The following SYN3 variants were observed in gnomAD, a reference collection of about 807,000 sequenced individuals.
The protein encoded by SYN3 is synapsin III, also known as synapsin-3.
A neutral mutation model predicts 65.8 loss-of-function variants in SYN3; 35 were observed. That is an observed-to-expected ratio of 0.53 (90% CI 0.41 to 0.70). The LOEUF (loss-of-function observed/expected upper bound fraction) is 0.70. Among genes scored for constraint, SYN3 ranks in the 30% least tolerant of loss-of-function variants. SYN3 has a pLI of 0.00. For missense variants in SYN3, 680 were observed against 749.0 expected, an observed-to-expected ratio of 0.91 and a Z score of 1.08; for synonymous variants, 270 against 292.9, an observed-to-expected ratio of 0.92 and a Z score of 0.80.
chr22:32,999,082 G>T (rs112632343), intron 2 of SYN3, among the ~76,000 whole-genome samples: 44 of 152,270 alleles, frequency 2.9e-4, no homozygotes, highest in Middle Eastern at 6.8e-3. Context: ...AAGAGTAAGA[G>T]ACAGGCCTTG....
At chr22:32,831,418 T>C (rs2047569922) in intron 6 of SYN3, among the ~76,000 whole-genome samples, 1 of 152,144 alleles carries the variant, frequency 6.6e-6, no homozygotes, top group South Asian at 2.1e-4. Flanking sequence ...GAGAGCTGTT[T>C]CAGCTACTTC....
At chr22:32,820,741 A>G (rs573039455) in intron 6 of SYN3, among the ~76,000 whole-genome samples, 1 of 152,320 alleles carries the variant, frequency 6.6e-6, no homozygotes, top group African/African-American at 2.4e-5. Context: ...GATATGTTTT[A>G]GGGTGAAGGA....
intron 6 of SYN3, among the ~76,000 whole-genome samples, chr22:32,755,065 A>G (rs2045251609): frequency 2.0e-5 from 3 of 152,214 alleles, no homozygotes. Context: ...ACTAGAGAGC[A>G]GAGCAGAGGC....
chr22:32,970,247 A>T (rs2051976007), intron 3 of SYN3, among the ~76,000 whole-genome samples: 8 of 152,188 alleles, frequency 5.3e-5, no homozygotes, highest in Admixed American at 5.2e-4. Context: ...GGGCAGTTAA[A>T]TTACCACCTC....
chr22:32,993,770 G>C (rs1173985346), intron 2 of SYN3, among the ~76,000 whole-genome samples: 2 of 152,156 alleles, frequency 1.3e-5, no homozygotes, highest in Admixed American at 6.5e-5. Context: ...CAACCTCACT[G>C]TTTCACATAG....
chr22:32,695,919 T>C (rs372297048), intron 6 of SYN3, among the ~76,000 whole-genome samples: 16 of 152,332 alleles, frequency 1.1e-4, no homozygotes, highest in African/African-American at 3.6e-4. Flanking sequence ...TGGTAACATA[T>C]AGGACTCCTC....
intron 4 of SYN3, among the ~76,000 whole-genome samples, chr22:32,930,600 C>T (rs1472705565): frequency 6.6e-6 from 1 of 152,096 alleles, no homozygotes; most frequent in African/African-American, 2.4e-5. Context: ...CTGAGAATGT[C>T]CACATTCTAC....
chr22:32,561,438 T>C (rs1409537003), intron 7 of SYN3, among the ~76,000 whole-genome samples: 3 of 152,178 alleles, frequency 2.0e-5, no homozygotes, highest in Non-Finnish European at 4.4e-5. Context: ...TATGGGTGTG[T>C]CTGCAGAGAA....
intron 6 of SYN3, among the ~76,000 whole-genome samples, chr22:32,840,154 G>A (rs2047851865): frequency 6.6e-6 from 1 of 152,160 alleles, no homozygotes. Flanking sequence ...AACTTGGGTT[G>A]AAATGATTTG....
chr22:32,945,225 C>A (rs1318814117), intron 3 of SYN3, among the ~76,000 whole-genome samples: 1 of 152,190 alleles, frequency 6.6e-6, no homozygotes, highest in Non-Finnish European at 1.5e-5. Flanking sequence ...AAAGAGCCCA[C>A]ACTGCCAAGA....
chr22:32,692,833 T>C (rs2060684341), intron 6 of SYN3, among the ~76,000 whole-genome samples: 1 of 152,210 alleles, frequency 6.6e-6, no homozygotes, highest in African/African-American at 2.4e-5. Flanking sequence ...CATTTCAAAA[T>C]ACAGGTGTAC....
At chr22:32,549,439 G>A (rs1838773097) in intron 7 of SYN3, among the ~76,000 whole-genome samples, 1 of 152,044 alleles carries the variant, frequency 6.6e-6, no homozygotes, top group African/African-American at 2.4e-5. Context: ...TTTTTATAGT[G>A]ACAGGATCTC....
chr22:32,637,630 C>CTTTTTTTTTTTT (rs1185407986), intron 6 of SYN3, among the ~76,000 whole-genome samples: 64 of 93,526 alleles, frequency 6.8e-4, no homozygotes, highest in East Asian at 1.1e-3. Flanking sequence ...TTTTCTTTTT[C>CTTTTTTTTTTTT]TTTTTTTTTT....
intron 7 of SYN3, among the ~76,000 whole-genome samples, chr22:32,591,737 G>T (rs1307638763): frequency 2.0e-5 from 3 of 152,070 alleles, no homozygotes; most frequent in African/African-American, 7.2e-5. Context: ...CTGTGGTTTT[G>T]GTTACCCACG....
At position 32,632,323 on chromosome 22, in the gene SYN3, G is replaced by A. The variant is rs574142912; in HGVS notation, c.712-35587C>T. On this transcript the variant is annotated intron_variant, in intron 6 of 13. Coordinates refer to ENST00000358763, the MANE Select transcript of SYN3 (RefSeq NM_003490.4). ...TGTCCACTGGGCAGTGTGCTATGGCGGTGAGAGCTCTTGCCTGGGCGTTTA... is the reference window on the plus strand; with the variant it reads ...TGTCCACTGGGCAGTGTGCTATGGCAGTGAGAGCTCTTGCCTGGGCGTTTA... Among the ~76,000 whole-genome samples, 237 of 152,290 alleles carry A rather than the reference G, an allele frequency of 1.6e-3. 1 individual carries two copies. The highest frequency in any genetic ancestry group is 4.4e-3 in the African/African-American group (183 of 41,562).
intron 6 of SYN3, among the ~76,000 whole-genome samples, chr22:32,804,423 C>A (rs2046670644): frequency 6.6e-6 from 1 of 152,210 alleles, no homozygotes; most frequent in Non-Finnish European, 1.5e-5. Flanking sequence ...TGAAGGAGCT[C>A]CCCATTCCTT....
chr22:32,682,645 A>T (rs55750579), intron 6 of SYN3, among the ~76,000 whole-genome samples: 13,258 of 152,212 alleles, frequency 0.087, 593 homozygotes, highest in African/African-American at 0.11. Context: ...GATTGGAGTT[A>T]AGTTGTTTAA....
chr22:32,638,401 T>C (rs1211032184), intron 6 of SYN3, among the ~76,000 whole-genome samples: 1 of 152,242 alleles, frequency 6.6e-6, no homozygotes, highest in Non-Finnish European at 1.5e-5. Flanking sequence ...CTTTCCAGAG[T>C]GGCTGAATTA....
chr22:32,609,148 C>T (rs1218028990), intron 6 of SYN3, among the ~76,000 whole-genome samples: 1 of 151,904 alleles, frequency 6.6e-6, no homozygotes, highest in Non-Finnish European at 1.5e-5. Flanking sequence ...CATGGTGAAA[C>T]CCCGTCTCTA....
Sources: gnomAD v4.1 joint callset for allele counts (sites outside exome capture counted in the v4.1 genomes callset) on GRCh38, gnomAD v4.1.1 for gene constraint, MANE v1.5 for transcripts, NCBI Gene and HGNC (gene_info 2026-07-23, HGNC 2026-07-21) for gene names.